Variants in PLB1 observed in about 807,000 individuals in gnomAD.
The protein encoded by PLB1 is phospholipase B1.
Under a neutral mutation model 227.4 loss-of-function variants are expected in PLB1, and 242 were observed. The observed-to-expected ratio is 1.06, with a 90% CI of 0.96 to 1.18. PLB1 has a LOEUF of 1.18. Among genes scored for constraint, PLB1 ranks in the 50% most tolerant of loss-of-function variants. The pLI is 0.00. For synonymous variants in PLB1, 757 were observed against 682.2 expected, an observed-to-expected ratio of 1.11 and a Z score of -1.71; for missense variants, 1,858 against 1,816.3, an observed-to-expected ratio of 1.02 and a Z score of -0.42.
chr2:28,592,836 G>A (rs1682209916), intron 32 of PLB1, 117 bp downstream of exon 32: 8 of 908,610 alleles, frequency 8.8e-6, no homozygotes, highest in African/African-American at 1.7e-5. Flanking sequence ...CCTCTACCTG[G>A]CTCTGTCAAT....
Position 28,567,495 on chromosome 2 carries a change from T to C in PLB1, c.1324+656T>C, listed in dbSNP as rs996115900. ...TTTTTTTTTTTTTTTTTTTTTGAGA[T>C]GGAGTCTCACTCTGTTGCCAGGCTG... On this transcript the variant is annotated intron_variant, in intron 20 of 57. Transcript: ENST00000327757. 9.8e-5 allele frequency among the ~76,000 whole-genome samples: 12 copies of C among 122,364 alleles called. No homozygotes were observed. In the South Asian group the frequency reaches 1.6e-3, roughly 17 times the overall value. 80.3% of individuals were successfully genotyped at this position (122,364 alleles called of 152,430 possible).
chr2:28,550,181 T>C, intron 16 of PLB1, 97 bp downstream of exon 16: 1 of 1,015,800 alleles, frequency 9.8e-7, no homozygotes. Flanking sequence ...TTTTTTTTTT[T>C]TTTTCTTTTG....
intron 3 of PLB1, 29 bp from the exon 4 acceptor site, chr2:28,519,676 C>T (rs1450723550): frequency 1.3e-6 from 2 of 1,561,112 alleles, no homozygotes; most frequent in Admixed American, 1.7e-5. Flanking sequence ...GTAGATCTGA[C>T]CTTCCTATAT....
rs777406288 is a variant in PLB1, at chr2:28,643,990, G to T, written c.*929G>T. Among the ~76,000 whole-genome samples, 4 of 152,384 alleles carry T rather than the reference G, an allele frequency of 2.6e-5. No homozygotes were observed. The highest frequency in any genetic ancestry group is 3.9e-4 in the East Asian group (2 of 5,188). ...CTTTTATGCTGCACAAAAGCCCAGG[G>T]AGGGGGTAAAGGGAAAATCTTTGAA... On this transcript the variant is annotated 3_prime_UTR_variant, in exon 58 of 58. Coordinates refer to ENST00000327757, the MANE Select transcript of PLB1 (RefSeq NM_153021.5).
chr2:28,496,233 T>A (rs1338219922), intron 1 of PLB1, 64 bp downstream of exon 1: 2 of 1,487,296 alleles, frequency 1.3e-6, no homozygotes, highest in Admixed American at 1.7e-5. Context: ...CCATGTTGCT[T>A]AGGCAATGGG....
intron 1 of PLB1, among the ~76,000 whole-genome samples, chr2:28,513,966 A>C (rs1356426694): frequency 2.6e-5 from 4 of 152,230 alleles, no homozygotes; most frequent in Admixed American, 1.3e-4. Flanking sequence ...AAATGAGAGC[A>C]TCTTTCATCA....
At chr2:28,590,759 G>T (rs1490750142) in intron 29 of PLB1, among the ~76,000 whole-genome samples, 1 of 152,122 alleles carries the variant, frequency 6.6e-6, no homozygotes, top group Non-Finnish European at 1.5e-5. Flanking sequence ...GCAGGGTGGG[G>T]TAGGCATGGA....
At chr2:28,602,946 C>G (rs1237593232) in intron 39 of PLB1, 25 bp downstream of exon 39, 1 of 1,593,640 alleles carries the variant, frequency 6.3e-7, no homozygotes, top group Admixed American at 1.7e-5. Flanking sequence ...GCTGTCCCCA[C>G]ACTGGAGATG....
At chr2:28,561,249 C>A (rs773877777) in intron 17 of PLB1, among the ~76,000 whole-genome samples, 2 of 152,232 alleles carry the variant, frequency 1.3e-5, no homozygotes, top group African/African-American at 4.8e-5. Context: ...AAGCACCCAG[C>A]CACTGCTTCG....
intron 49 of PLB1, among the ~76,000 whole-genome samples, chr2:28,621,326 C>T (rs374526547): frequency 3.4e-4 from 52 of 152,308 alleles, no homozygotes; most frequent in South Asian, 2.3e-3. Flanking sequence ...TCCCTGCTGG[C>T]TCCAGCTCCA....
At chr2:28,634,022 C>T (rs1689009030) in intron 56 of PLB1, among the ~76,000 whole-genome samples, 1 of 152,212 alleles carries the variant, frequency 6.6e-6, no homozygotes, top group Non-Finnish European at 1.5e-5. Context: ...GGCTGACTCA[C>T]AATATTGACT....
At position 28,632,991 on chromosome 2, in the gene PLB1, C is replaced by T; in HGVS notation, c.4050C>T (p.Phe1350=). 1.2e-6 allele frequency: 2 copies of T among 1,608,010 alleles called. No individual in the cohort carries two copies. The highest frequency in any genetic ancestry group is 1.7e-6 in the Non-Finnish European group (2 of 1,179,964). ...LTFFSEDCFH[F]SDRGHAEMAI... ...TCTTCTCCGAGGACTGTTTTCACTT[C>T]TCAGACCGCGGGCATGCCGAGATGG... Residue 1350 remains phenylalanine, a synonymous_variant, in exon 56 of 58, where the codon TTC becomes TTT. Coordinates refer to ENST00000327757, the MANE Select transcript of PLB1 (RefSeq NM_153021.5).
At chr2:28,607,912 T>C (rs187724799) in intron 43 of PLB1, among the ~76,000 whole-genome samples, 13 of 152,322 alleles carry the variant, frequency 8.5e-5, no homozygotes, top group Admixed American at 7.8e-4. Context: ...ATTTGCTCTT[T>C]CTTTCAACAA....
At chr2:28,534,457 G>A (rs548765997) in intron 9 of PLB1, among the ~76,000 whole-genome samples, 37 of 152,332 alleles carry the variant, frequency 2.4e-4, no homozygotes, top group African/African-American at 7.7e-4. Context: ...TTCATTGCAT[G>A]TAGTAAGGTA....
intron 50 of PLB1, among the ~76,000 whole-genome samples, chr2:28,626,203 C>A (rs184429622): frequency 6.6e-6 from 1 of 152,068 alleles, no homozygotes; most frequent in East Asian, 1.9e-4. Flanking sequence ...ATCATGTTGG[C>A]CAGGCTGGTC....
At position 28,589,467 on chromosome 2, in the gene PLB1, G is replaced by A. The variant is rs1477628354; in HGVS notation, c.1833G>A (p.Leu611=). The change falls in exon 27 of 58, where the codon CTG becomes CTA. Residue 611 remains leucine, a synonymous_variant. Transcript: ENST00000327757. ...NKKFQEKTHQ[L]IESGRYDTRE... ...TCCTGCAGGAGAAGACCCACCAACT[G>A]ATTGAGAGTGGGCGATATGACACAA... is the stretch of plus-strand genomic sequence containing the variant. 1 of 1,613,980 alleles carries A rather than the reference G, an allele frequency of 6.2e-7. No homozygotes were observed. Among genetic ancestry groups the A allele is most frequent in the Admixed American group, 1.7e-5 (1 of 60,012 alleles).
Position 28,516,767 on chromosome 2 carries a change from A to G in PLB1, c.56-41A>G, listed in dbSNP as rs1435342427. ...AAGCTACAAATTTGGGTGGGAGTTA[A>G]TTCCAGCTAAATAACTTGAACTATT... On this transcript the variant is annotated intron_variant, in intron 1 of 57. Coordinates refer to ENST00000327757, the MANE Select transcript of PLB1 (RefSeq NM_153021.5). 3 of 1,581,158 alleles carry G rather than the reference A, an allele frequency of 1.9e-6. No homozygotes were observed. The South Asian group carries it at 3.3e-5, about 18-fold the overall frequency.
intron 1 of PLB1, among the ~76,000 whole-genome samples, 155 bp downstream of exon 1, chr2:28,496,324 G>A (rs1666430483): frequency 6.6e-6 from 1 of 152,216 alleles, no homozygotes; most frequent in Non-Finnish European, 1.5e-5. Context: ...TTTGCCTCCT[G>A]CGGAATGGGA....
chr2:28,600,324 C>T (rs575683095), intron 35 of PLB1, among the ~76,000 whole-genome samples: 4 of 152,270 alleles, frequency 2.6e-5, no homozygotes, highest in African/African-American at 4.8e-5. Flanking sequence ...AGAGAAAAAT[C>T]GCAGCCATTG....
Sources: gnomAD v4.1 joint callset for allele counts (sites outside exome capture counted in the v4.1 genomes callset) on GRCh38, gnomAD v4.1.1 for gene constraint, MANE v1.5 for transcripts, NCBI Gene and HGNC (gene_info 2026-07-23, HGNC 2026-07-21) for gene names.